CEMIP: variants seen among roughly 807,000 people sequenced by gnomAD.
CEMIP encodes cell migration inducing hyaluronidase 1.
A neutral mutation model predicts 156.9 loss-of-function variants in CEMIP; 105 were observed. That is an observed-to-expected ratio of 0.67 (90% CI 0.57 to 0.79). CEMIP has a LOEUF of 0.79. Ranked by LOEUF, CEMIP falls within the 30% of genes least tolerant of loss-of-function variation. The probability of loss-of-function intolerance (pLI) is 0.00; values close to 1 mark genes in which losing one functional copy is unlikely to be tolerated. For missense variants in CEMIP, 1,457 were observed against 1,769.4 expected (o/e 0.82, Z 3.17); for synonymous variants, 676 against 668.4 (o/e 1.01, Z -0.17).
At chr15:80,855,553 G>A (rs1421411049) in intron 1 of CEMIP, among the ~76,000 whole-genome samples, 9 of 151,662 alleles carry the variant, frequency 5.9e-5, no homozygotes, top group Non-Finnish European at 1.3e-4. Flanking sequence ...CTGTTCCCAG[G>A]CTGGAGTGCA....
Position 80,906,518 on chromosome 15 carries a change from CT to C in CEMIP, c.1412-143del, listed in dbSNP as rs1899809546. ...AGGCGTGTGACTTCACCTCCCTGAC[CT>C]TCATCCTTCTGTAACATGAGACCAC... On this transcript the variant is annotated intron_variant, in intron 12 of 29. Coordinates refer to ENST00000394685, the MANE Select transcript of CEMIP (RefSeq NM_001293298.2). This position sits in a 1 kb window ranked among gnomAD's most constrained non-coding sequence, Gnocchi z 4.3. 14 of 773,760 alleles carry C rather than the reference CT, an allele frequency of 1.8e-5. No homozygotes were observed. In the Admixed American group the frequency reaches 3.8e-4, roughly 21 times the overall value. 47.9% of individuals were successfully genotyped at this position (773,760 alleles called of 1,614,324 possible).
At chr15:80,934,271 A>T (rs1901032864) in intron 23 of CEMIP, among the ~76,000 whole-genome samples, 1 of 152,192 alleles carries the variant, frequency 6.6e-6, no homozygotes, top group Non-Finnish European at 1.5e-5. Flanking sequence ...AGGAAAAAAT[A>T]TTTACATTGC....
chr15:80,841,751 A>G (rs1373969306), intron 1 of CEMIP, among the ~76,000 whole-genome samples: 1 of 152,166 alleles, frequency 6.6e-6, no homozygotes, highest in Non-Finnish European at 1.5e-5. Context: ...GGGCCGACCA[A>G]TCAGAGCAGT....
intron 1 of CEMIP, among the ~76,000 whole-genome samples, chr15:80,780,690 C>T (rs909783372): frequency 6.6e-6 from 1 of 152,208 alleles, no homozygotes; most frequent in Non-Finnish European, 1.5e-5. Flanking sequence ...AGCCGGGGAG[C>T]GCGTCTCTCC....
At chr15:80,839,522 G>T (rs1320723411) in intron 1 of CEMIP, among the ~76,000 whole-genome samples, 1 of 152,160 alleles carries the variant, frequency 6.6e-6, no homozygotes. Context: ...AGCGAAGCCG[G>T]CCAGACCTCC....
chr15:80,894,421 A>G (rs1899139830), intron 10 of CEMIP, among the ~76,000 whole-genome samples: 1 of 152,192 alleles, frequency 6.6e-6, no homozygotes, highest in South Asian at 2.1e-4. Context: ...AAATGAGATA[A>G]TATAGGTAAA....
intron 5 of CEMIP, 41 bp from the exon 6 acceptor site, chr15:80,880,859 A>G (rs1567080793): frequency 6.5e-7 from 1 of 1,534,642 alleles, no homozygotes; most frequent in Non-Finnish European, 9.0e-7. Context: ...TCCAGTAAAG[A>G]GATGTGTCAG....
intron 10 of CEMIP, 136 bp downstream of exon 10, chr15:80,889,728 C>A: frequency 9.1e-7 from 1 of 1,102,594 alleles, no homozygotes; most frequent in Non-Finnish European, 1.3e-6. Flanking sequence ...CAAAGAGTAC[C>A]ATTCCCACTT....
chr15:80,911,527 C>CCACACA (rs10596688), intron 14 of CEMIP, among the ~76,000 whole-genome samples: 1 of 148,968 alleles, frequency 6.7e-6, no homozygotes, highest in Non-Finnish European at 1.5e-5. Flanking sequence ...GGAAAATACA[C>CCACACA]CACACACACA....
In CEMIP at chr15:80,895,878, A is replaced by G. The variant is rs750700998; in HGVS notation, c.1229A>G (p.Lys410Arg). 8 of 1,614,142 alleles carry G rather than the reference A, an allele frequency of 5.0e-6. No homozygotes were observed. In the Admixed American group the frequency reaches 1.0e-4, roughly 20 times the overall value. The change falls in exon 12 of 30, where the codon AAA becomes AGA. Residue 410 changes from lysine (K) to arginine (R), a missense_variant. Coordinates refer to ENST00000394685, the MANE Select transcript of CEMIP (RefSeq NM_001293298.2). ...CTGTTTTGGGTTACAGTGAGGCCCAAACTCACAGTCACCATTGACACCAAT... is the reference window on the plus strand; with the variant it reads ...CTGTTTTGGGTTACAGTGAGGCCCAGACTCACAGTCACCATTGACACCAAT... ...RFLCGKPVRP[K>R]LTVTIDTNVN...
chr15:80,868,481 C>T (rs1175475010), intron 1 of CEMIP, among the ~76,000 whole-genome samples: 1 of 152,146 alleles, frequency 6.6e-6, no homozygotes, highest in Non-Finnish European at 1.5e-5. Context: ...CCAGACCTAC[C>T]GAATCAGAAT....
chr15:80,922,713 G>A (rs894098411), intron 17 of CEMIP, among the ~76,000 whole-genome samples: 6 of 152,286 alleles, frequency 3.9e-5, no homozygotes, highest in Non-Finnish European at 5.9e-5. Context: ...AGCACCTGCC[G>A]TTGTGTCCAG....
chr15:80,779,747 C>T (rs3848177), intron 1 of CEMIP, 133 bp downstream of exon 1: 27,528 of 152,420 alleles, frequency 0.18, 2,595 homozygotes, highest in East Asian at 0.27. Context: ...GTTTGTCTGT[C>T]CACCCTGTGC....
At chr15:80,940,909 G>A (rs912018751) in intron 25 of CEMIP, among the ~76,000 whole-genome samples, 2 of 152,212 alleles carry the variant, frequency 1.3e-5, no homozygotes, top group Non-Finnish European at 2.9e-5. Flanking sequence ...TCCTTAGCAG[G>A]CATGGGGCAC....
At chr15:80,871,963 C>T (rs112203882) in intron 1 of CEMIP, among the ~76,000 whole-genome samples, 33 of 152,232 alleles carry the variant, frequency 2.2e-4, no homozygotes, top group South Asian at 4.1e-4. Flanking sequence ...TCAGGCAGGG[C>T]GGCTGTTAAG....
At chr15:80,892,583 T>A (rs1899067118) in intron 10 of CEMIP, among the ~76,000 whole-genome samples, 1 of 152,108 alleles carries the variant, frequency 6.6e-6, no homozygotes, top group African/African-American at 2.4e-5. Flanking sequence ...CAAAAACATA[T>A]TCTGAAGCCA....
At chr15:80,935,946 CA>C (rs1423965489) in intron 23 of CEMIP, among the ~76,000 whole-genome samples, 4 of 152,306 alleles carry the variant, frequency 2.6e-5, no homozygotes, top group African/African-American at 9.6e-5. Context: ...CCATGTTGGT[CA>C]GGCTGGTCTC....
In CEMIP at chr15:80,908,883, A is replaced by G. The variant is rs139304245; in HGVS notation, c.1588-214A>G. The stretch of plus-strand genomic sequence containing the variant: ...TTTCTAAGCACTCCATTTCCTCACA[A>G]TGTCCTCTGTCATTAGCAGTGCCTT... On this transcript the variant is annotated intron_variant, in intron 13 of 29. Coordinates refer to ENST00000394685, the MANE Select transcript of CEMIP (RefSeq NM_001293298.2). Among the ~76,000 whole-genome samples the G allele has an allele frequency of 3.3e-3, 498 of 152,292 alleles. 4 individuals carry two copies. Among genetic ancestry groups the G allele is most frequent in the African/African-American group, 0.011 (454 of 41,572 alleles).
intron 6 of CEMIP, 21 bp from the exon 7 acceptor site, chr15:80,884,154 T>G: frequency 1.2e-6 from 2 of 1,613,810 alleles, no homozygotes; most frequent in East Asian, 4.5e-5. Context: ...TATTCAGATC[T>G]CTTCTCTCTG....
Sources: allele counts gnomAD v4.1 joint callset (sites outside exome capture counted in the v4.1 genomes callset), GRCh38; gene constraint gnomAD v4.1.1; non-coding constraint Gnocchi (gnomAD v3.1); transcripts MANE v1.5; gene names NCBI Gene and HGNC (gene_info 2026-07-23, HGNC 2026-07-21).